Variants in LTBP1 observed in about 807,000 individuals in gnomAD.
LTBP1 encodes latent transforming growth factor beta binding protein 1, also known as latent-transforming growth factor beta-binding protein 1.
LTBP1 carries 129 observed loss-of-function variants against 207.6 expected under a neutral mutation model. That is an observed-to-expected ratio of 0.62 (90% CI 0.54 to 0.72). The LOEUF (loss-of-function observed/expected upper bound fraction) is 0.72, where lower values mean the gene tolerates loss of function less well. LTBP1 is among the 30% of genes least tolerant of loss of function. The pLI is 0.00. For missense variants in LTBP1, 2,281 were observed against 2,217.2 expected, an observed-to-expected ratio of 1.03 and a Z score of -0.58; for synonymous variants, 963 against 833.7, an observed-to-expected ratio of 1.16 and a Z score of -2.67.
chr2:33,326,640 A>ATTTATTT (rs2094431007), intron 24 of LTBP1, among the ~76,000 whole-genome samples: 1 of 144,590 alleles, frequency 6.9e-6, no homozygotes, highest in African/African-American at 2.6e-5. Flanking sequence ...TGAGGGATAT[A>ATTTATTT]ATTTATTTAT....
intron 31 of LTBP1, among the ~76,000 whole-genome samples, chr2:33,378,970 A>C (rs1574083820): frequency 6.6e-6 from 1 of 152,184 alleles, no homozygotes; most frequent in African/African-American, 2.4e-5. Context: ...CTAGAAAGTA[A>C]TTGTTCTGCT....
intron 5 of LTBP1, among the ~76,000 whole-genome samples, chr2:33,164,608 T>C (rs1483846257): frequency 6.6e-6 from 1 of 152,184 alleles, no homozygotes; most frequent in Non-Finnish European, 1.5e-5. Flanking sequence ...TTTCTTATTT[T>C]GATGTCATTT....
intron 3 of LTBP1, among the ~76,000 whole-genome samples, chr2:33,055,333 A>G (rs1358299103): frequency 6.6e-6 from 1 of 152,208 alleles, no homozygotes; most frequent in African/African-American, 2.4e-5. Flanking sequence ...CACTCGAGGA[A>G]GGCAGAAGAA....
intron 31 of LTBP1, 102 bp downstream of exon 31, chr2:33,365,605 C>A: frequency 2.7e-6 from 3 of 1,122,488 alleles, no homozygotes; most frequent in East Asian, 2.5e-5. Flanking sequence ...TGCCTTCACT[C>A]CTGATATCTT....
chr2:33,301,543 G>T lies in LTBP1; in HGVS notation c.3380G>T (p.Arg1127Leu). 6.2e-7 allele frequency: 1 copy of T among 1,605,048 alleles called. No individual in the cohort carries two copies. Among genetic ancestry groups the T allele is most frequent in the Admixed American group, 1.7e-5 (1 of 57,884 alleles). The stretch of plus-strand genomic sequence containing the variant: ...ATAGACATTGATGAATGCCAGCACC[G>T]TCATCTCTGTGCTCATGGGCAGTGC... ...QCEDIDECQH[R>L]HLCAHGQCRN... Residue 1127 changes from arginine (R) to leucine (L), a missense_variant, in exon 22 of 34, where the codon CGT becomes CTT. This residue lies in a region of LTBP1 where 1,671 missense variants were observed against 1,634.8 expected (regional missense o/e 1.02). Coordinates refer to ENST00000404816, the MANE Select transcript of LTBP1 (RefSeq NM_206943.4).
chr2:32,947,358 C>T lies in LTBP1; in HGVS notation c.34C>T (p.Leu12Phe). The change falls in exon 1 of 34, where the codon CTC (leucine) becomes TTC (phenylalanine). Residue 12 changes from leucine (L) to phenylalanine (F), a missense_variant. By Grantham distance (22) the Leu-to-Phe change is conservative. Transcript: ENST00000404816. Reference protein sequence around the residue: ...AGAWLRWGLLLWAGLLASSAH... With the variant: ...AGAWLRWGLLFWAGLLASSAH... ...GGCCTGGCTCAGGTGGGGGCTCCTG[C>T]TCTGGGCAGGGCTCCTCGCGTCCTC... 2 of 1,305,310 alleles carry T rather than the reference C, an allele frequency of 1.5e-6. No homozygotes were observed. The highest frequency in any genetic ancestry group is 6.4e-5 in the East Asian group (2 of 31,416). 80.9% of individuals were successfully genotyped at this position (1,305,310 alleles called of 1,614,324 possible). A position where few individuals can be genotyped will look rare whatever the true frequency, so the allele number is the denominator to read the frequency against.
At position 33,082,509 on chromosome 2, in the gene LTBP1, C is replaced by T. The variant is rs559482854; in HGVS notation, c.864-28073C>T. 4.6e-4 allele frequency among the ~76,000 whole-genome samples: 60 copies of T among 130,250 alleles called. 2 individuals are homozygous for T. The South Asian group carries it at 0.012, about 27-fold the overall frequency. 85.4% of individuals were successfully genotyped at this position (130,250 alleles called of 152,430 possible). Reference sequence around the variant, plus strand: ...TGTTGCCCAGGCCAGAGTGCAGGTGCGATCTCGGCTCACTGCAAGCTCCGC... The same window carrying T: ...TGTTGCCCAGGCCAGAGTGCAGGTGTGATCTCGGCTCACTGCAAGCTCCGC... On this transcript the variant is annotated intron_variant, in intron 3 of 33. Coordinates refer to ENST00000404816, the MANE Select transcript of LTBP1 (RefSeq NM_206943.4).
intron 3 of LTBP1, among the ~76,000 whole-genome samples, chr2:33,049,315 A>G (rs1486192449): frequency 2.6e-5 from 4 of 152,266 alleles, no homozygotes; most frequent in Admixed American, 2.6e-4. Flanking sequence ...GGGAAAATGG[A>G]AAGTTACTAA....
intron 3 of LTBP1, among the ~76,000 whole-genome samples, chr2:33,059,205 A>G (rs1018285986): frequency 2.0e-5 from 3 of 152,240 alleles, no homozygotes; most frequent in African/African-American, 7.2e-5. Context: ...CCTATTAAGT[A>G]TAAAATGTGA....
At chr2:33,216,395 C>T (rs76471789) in intron 7 of LTBP1, among the ~76,000 whole-genome samples, 2,247 of 152,150 alleles carry the variant, frequency 0.015, 23 homozygotes, top group East Asian at 0.027. Flanking sequence ...GTGATTTGTT[C>T]AGAAAATAAA....
intron 2 of LTBP1, among the ~76,000 whole-genome samples, chr2:32,976,276 T>C (rs1681764636): frequency 6.6e-6 from 1 of 152,154 alleles, no homozygotes; most frequent in Non-Finnish European, 1.5e-5. Flanking sequence ...TCCACTGACC[T>C]CAGTACTCTG....
intron 3 of LTBP1, among the ~76,000 whole-genome samples, chr2:33,091,517 A>C (rs951429159): frequency 1.5e-4 from 23 of 151,962 alleles, no homozygotes; most frequent in African/African-American, 4.8e-4. Context: ...TCTCTTCACT[A>C]TTCTCTGTTC....
intron 9 of LTBP1, among the ~76,000 whole-genome samples, chr2:33,235,516 C>G (rs1376348451): frequency 6.6e-6 from 1 of 152,114 alleles, no homozygotes; most frequent in South Asian, 2.1e-4. Context: ...GGATCTGGAT[C>G]CAGAAATACC....
At chr2:33,263,821 T>C (rs2093091671) in intron 15 of LTBP1, among the ~76,000 whole-genome samples, 1 of 151,246 alleles carries the variant, frequency 6.6e-6, no homozygotes, top group Non-Finnish European at 1.5e-5. Flanking sequence ...GGTGTGGTGG[T>C]GCGCACCTGT....
At chr2:33,047,394 G>A (rs1053983425) in intron 3 of LTBP1, among the ~76,000 whole-genome samples, 1 of 152,186 alleles carries the variant, frequency 6.6e-6, no homozygotes, top group Admixed American at 6.5e-5. Flanking sequence ...TTCAGGAGCA[G>A]GTTGTTCAGT....
intron 10 of LTBP1, among the ~76,000 whole-genome samples, chr2:33,244,219 ACT>A (rs201479136): frequency 0.016 from 2,480 of 152,096 alleles, 26 homozygotes; most frequent in Non-Finnish European, 0.022. Flanking sequence ...GAGTCACTGG[ACT>A]CTGATTTAAT....
intron 27 of LTBP1, 152 bp downstream of exon 27, chr2:33,360,931 A>G: frequency 1.6e-6 from 1 of 606,768 alleles, no homozygotes; most frequent in South Asian, 2.2e-5. Flanking sequence ...CCTGCATCCC[A>G]TCTTAATATG....
intron 4 of LTBP1, among the ~76,000 whole-genome samples, chr2:33,129,804 G>T (rs1343407550): frequency 6.6e-6 from 1 of 152,038 alleles, no homozygotes; most frequent in African/African-American, 2.4e-5. Context: ...GTTTCTCTCT[G>T]CCTCTTTCTT....
chr2:33,172,104 G>A (rs1558748799), intron 5 of LTBP1, among the ~76,000 whole-genome samples: 1 of 152,082 alleles, frequency 6.6e-6, no homozygotes, highest in Non-Finnish European at 1.5e-5. Flanking sequence ...ATCAACTAAC[G>A]AGCAAAATAA....
Sources: gnomAD v4.1 joint callset for allele counts (sites outside exome capture counted in the v4.1 genomes callset) on GRCh38, gnomAD v4.1.1 for gene constraint, gnomAD v4.1.1 regional missense constraint, MANE v1.5 for transcripts, NCBI Gene and HGNC (gene_info 2026-07-23, HGNC 2026-07-21) for gene names.